The following LAMA2 variants were observed in gnomAD, a reference collection of about 807,000 sequenced individuals.
LAMA2 encodes the protein laminin subunit alpha 2.
A neutral mutation model predicts 364.8 loss-of-function variants in LAMA2; 269 were observed. The ratio of observed to expected loss-of-function variants is 0.74; its 90% CI spans 0.67 to 0.82. The LOEUF is 0.82. Among genes scored for constraint, LAMA2 ranks in the 40% least tolerant of loss-of-function variants. The pLI, the probability that LAMA2 is intolerant of heterozygous loss-of-function variation, is 0.00. For missense variants in LAMA2, 3,807 were observed against 3,873.2 expected, an observed-to-expected ratio of 0.98 and a Z score of 0.45; for synonymous variants, 1,379 against 1,370.6, an observed-to-expected ratio of 1.01 and a Z score of -0.14.
intron 1 of LAMA2, among the ~76,000 whole-genome samples, chr6:128,902,838 TA>T (rs1562812080): frequency 6.6e-6 from 1 of 152,166 alleles, no homozygotes; most frequent in Non-Finnish European, 1.5e-5. Context: ...TTCTTGATTG[TA>T]AAAGAAAATT....
intron 37 of LAMA2, among the ~76,000 whole-genome samples, chr6:129,393,715 C>T (rs1779452292): frequency 6.6e-6 from 1 of 152,176 alleles, no homozygotes; most frequent in Admixed American, 6.5e-5. Context: ...GCAGCTTTCC[C>T]AAACTAATTC....
At chr6:129,041,282 CACTT>C (rs1350810067) in intron 1 of LAMA2, among the ~76,000 whole-genome samples, 1 of 152,142 alleles carries the variant, frequency 6.6e-6, no homozygotes, top group African/African-American at 2.4e-5. Flanking sequence ...CAAAAGAAAA[CACTT>C]ACACATCAAA....
chr6:129,209,265 A>G (rs1782925290), intron 12 of LAMA2, among the ~76,000 whole-genome samples: 1 of 152,230 alleles, frequency 6.6e-6, no homozygotes, highest in Admixed American at 6.5e-5. Flanking sequence ...ATATGTTAAT[A>G]TCTAATCTTA....
At chr6:129,263,404 G>A (rs1029456465) in intron 15 of LAMA2, among the ~76,000 whole-genome samples, 3 of 152,152 alleles carry the variant, frequency 2.0e-5, no homozygotes, top group Non-Finnish European at 4.4e-5. Flanking sequence ...ATGAAGGTTA[G>A]AAAGTCTACT....
chr6:129,319,158 G>T (rs1774797227), intron 27 of LAMA2, among the ~76,000 whole-genome samples: 1 of 152,070 alleles, frequency 6.6e-6, no homozygotes, highest in South Asian at 2.1e-4. Context: ...GATTATGCGT[G>T]ATCATTATTT....
At position 129,349,353 on chromosome 6, in the gene LAMA2, C is replaced by T. The variant is rs1317287863; in HGVS notation, c.4492C>T (p.Pro1498Ser). ...TGACGACTACCGCTGCACGGCTTGT[C>T]CACGGGGATATGAAGGCCAGTACTG... ...GLDDYRCTAC[P>S]RGYEGQYCER... is the part of the protein sequence containing the mutation. The change falls in exon 31 of 65, where the codon CCA becomes TCA. Residue 1498 changes from proline to serine, a missense_variant. Physicochemically the swap from Pro to Ser is moderately conservative, Grantham distance 74. This residue lies in a region of LAMA2 where 3,333 missense variants were observed against 3,345.7 expected (regional missense o/e 1.00). Transcript: ENST00000421865. The T allele has an allele frequency of 6.2e-7, 1 of 1,613,478 alleles. No individual in the cohort carries two copies.
At position 129,012,966 on chromosome 6, in the gene LAMA2, G is replaced by C. The variant is rs188870233; in HGVS notation, c.113-36952G>C. On this transcript the variant is annotated intron_variant, in intron 1 of 64. Transcript: ENST00000421865. Reference sequence around the variant, plus strand: ...TACAGTGATTCCTCAATGAGCAGCTGAATTTCCACCTGTTCTTGACGTATT... The same window carrying C: ...TACAGTGATTCCTCAATGAGCAGCTCAATTTCCACCTGTTCTTGACGTATT... Among the ~76,000 whole-genome samples the C allele has an allele frequency of 8.5e-5, 13 of 152,238 alleles. No homozygotes were observed. The South Asian group carries it at 1.5e-3, about 17-fold the overall frequency.
intron 1 of LAMA2, among the ~76,000 whole-genome samples, chr6:128,902,252 C>T (rs902839076): frequency 6.6e-6 from 1 of 152,180 alleles, no homozygotes; most frequent in African/African-American, 2.4e-5. Context: ...GACACTGAGC[C>T]AGACCATATC....
At chr6:129,395,591 G>A (rs1779569594) in intron 37 of LAMA2, among the ~76,000 whole-genome samples, 1 of 152,136 alleles carries the variant, frequency 6.6e-6, no homozygotes, top group South Asian at 2.1e-4. Context: ...TGAGAACCAC[G>A]GGTATAAACA....
chr6:128,995,391 G>A (rs1448619947), intron 1 of LAMA2, among the ~76,000 whole-genome samples: 1 of 152,072 alleles, frequency 6.6e-6, no homozygotes, highest in South Asian at 2.1e-4. Context: ...GCACGATCTC[G>A]GCTCACTGCA....
intron 1 of LAMA2, among the ~76,000 whole-genome samples, chr6:128,920,788 G>A (rs1778659610): frequency 6.6e-6 from 1 of 151,600 alleles, no homozygotes; most frequent in Non-Finnish European, 1.5e-5. Context: ...ACAACTTTAG[G>A]TTGCTTTTGG....
chr6:128,891,681 A>T (rs1014788490), intron 1 of LAMA2, among the ~76,000 whole-genome samples: 6 of 152,186 alleles, frequency 3.9e-5, no homozygotes, highest in African/African-American at 1.4e-4. Context: ...CTCCAACATC[A>T]TGTGGTATAC....
At chr6:129,177,378 G>A (rs1780658613) in intron 9 of LAMA2, among the ~76,000 whole-genome samples, 1 of 152,254 alleles carries the variant, frequency 6.6e-6, no homozygotes, top group East Asian at 1.9e-4. Context: ...TCTTCTCAAT[G>A]TAGCATCATC....
intron 1 of LAMA2, among the ~76,000 whole-genome samples, chr6:128,970,374 C>T (rs1477963076): frequency 6.6e-6 from 1 of 152,128 alleles, no homozygotes; most frequent in Middle Eastern, 3.2e-3. Flanking sequence ...ACGTCTGTCA[C>T]TTTTAATAAT....
chr6:129,219,555 T>C (rs1313422230), intron 12 of LAMA2, among the ~76,000 whole-genome samples: 2 of 150,544 alleles, frequency 1.3e-5, no homozygotes, highest in South Asian at 2.1e-4. Flanking sequence ...CTATTCACAA[T>C]AGCAAAGACT....
chr6:129,055,574 AC>A (rs1788429905), intron 2 of LAMA2, among the ~76,000 whole-genome samples: 1 of 152,170 alleles, frequency 6.6e-6, no homozygotes, highest in South Asian at 2.1e-4. Context: ...AAAGAATAAA[AC>A]CCCACAAGAA....
intron 1 of LAMA2, among the ~76,000 whole-genome samples, chr6:128,979,534 G>A (rs1258461891): frequency 6.6e-6 from 1 of 152,224 alleles, no homozygotes; most frequent in African/African-American, 2.4e-5. Context: ...AGGTACTAGA[G>A]GAAAGGAGTG....
At chr6:129,295,456 T>C (rs1259163046) in intron 20 of LAMA2, among the ~76,000 whole-genome samples, 3 of 152,086 alleles carry the variant, frequency 2.0e-5, no homozygotes, top group Non-Finnish European at 4.4e-5. Context: ...GAATGTCTGC[T>C]CCTTAAGTTT....
chr6:129,026,122 G>A (rs945705885), intron 1 of LAMA2, among the ~76,000 whole-genome samples: 2 of 152,154 alleles, frequency 1.3e-5, no homozygotes, highest in Non-Finnish European at 2.9e-5. Flanking sequence ...CGTAAAATAT[G>A]TTAGTGATTT....
Sources: allele counts gnomAD v4.1 joint callset (sites outside exome capture counted in the v4.1 genomes callset), GRCh38; gene constraint gnomAD v4.1.1; regional missense constraint gnomAD v4.1.1; transcripts MANE v1.5; gene names NCBI Gene and HGNC (gene_info 2026-07-23, HGNC 2026-07-21).